The following MYO15B variants were observed in gnomAD, a reference collection of about 807,000 sequenced individuals.
MYO15B encodes myosin XVB pseudogene.
A neutral mutation model predicts 119.3 loss-of-function variants in MYO15B; 207 were observed. That is an observed-to-expected ratio of 1.73 (90% CI 1.55 to 1.95). The LOEUF is 1.95. Among genes scored for constraint, MYO15B ranks in the 30% most tolerant of loss-of-function variants. MYO15B has a pLI of 0.00. For missense variants in MYO15B, 2,264 were observed against 1,203.1 expected, an observed-to-expected ratio of 1.88 and a Z score of -13.04; for synonymous variants, 966 against 498.9, an observed-to-expected ratio of 1.94 and a Z score of -12.48.
At position 75,617,699 on chromosome 17, in the gene MYO15B, A is replaced by C. The variant is rs762566908; in HGVS notation, c.6815-111A>C. 1.3e-5 allele frequency: 8 copies of C among 603,498 alleles called. No homozygotes were observed. The South Asian group carries it at 1.5e-4, about 12-fold the overall frequency. 37.4% of individuals were successfully genotyped at this position (603,498 alleles called of 1,614,324 possible). A position where few individuals can be genotyped will look rare whatever the true frequency, so the allele number is the denominator to read the frequency against. ...AGGAGTAAGGCAGCTGGAGGTTGGG[A>C]GAGCCGGGCCCTTGGAAGGCTCGTG... On this transcript the variant is annotated intron_variant, in intron 41 of 63. Coordinates refer to ENST00000645453, the Ensembl canonical transcript of MYO15B.
chr17:75,594,394 A>G, intron 9 of MYO15B, 81 bp from the exon 10 acceptor site: 1 of 562,712 alleles, frequency 1.8e-6, no homozygotes, highest in Non-Finnish European at 3.1e-6. Context: ...GCCACTTACC[A>G]GGCAAAGCCC....
At position 75,619,247 on chromosome 17, in the gene MYO15B, A is replaced by G. The variant is rs543052088; in HGVS notation, c.7063+29A>G. Reference sequence around the variant, plus strand: ...TGGGTCCAGGGACCATGGAGTTGGGAGCTTGAGTGCTGGGGGCCGCGCCTG... The same window carrying G: ...TGGGTCCAGGGACCATGGAGTTGGGGGCTTGAGTGCTGGGGGCCGCGCCTG... On this transcript the variant is annotated intron_variant, in intron 44 of 63. Coordinates refer to ENST00000645453, the Ensembl canonical transcript of MYO15B. 33 of 702,580 alleles carry G rather than the reference A, an allele frequency of 4.7e-5. No homozygotes were observed. In the East Asian group the frequency reaches 7.2e-4, roughly 15 times the overall value. 43.5% of individuals were successfully genotyped at this position (702,580 alleles called of 1,614,324 possible).
Position 75,605,935 on chromosome 17 carries a change from C to G in MYO15B, c.4206C>G (p.Val1402=), listed in dbSNP as rs188006777. 1.6e-5 allele frequency: 11 copies of G among 702,566 alleles called. No individual in the cohort carries two copies. The Admixed American group carries it at 2.0e-4, about 13-fold the overall frequency. 43.5% of individuals were successfully genotyped at this position (702,566 alleles called of 1,614,324 possible). ...ACCAGCAGCGCTCCCAGGCCCTGGT[C>G]GACCTGCACCGCAGCTTCCACACCT... The change falls in exon 21 of 64, where the codon GTC becomes GTG. Residue 1402 remains valine (V), a synonymous_variant. Coordinates refer to ENST00000645453, the Ensembl canonical transcript of MYO15B.
intron 47 of MYO15B, 93 bp downstream of exon 47, chr17:75,620,113 G>C: frequency 1.5e-6 from 1 of 660,916 alleles, no homozygotes; most frequent in South Asian, 1.6e-5. Context: ...CAGGGGCTGG[G>C]AGTTTGGGCC....
chr17:75,594,103 AAG>A (rs1491024917), intron 9 of MYO15B, among the ~76,000 whole-genome samples: 12 of 80,810 alleles, frequency 1.5e-4, no homozygotes, highest in East Asian at 1.4e-3. Flanking sequence ...AAAAAAAAAA[AAG>A]AAAAAAAAAA....
chr17:75,612,091 T>A, intron 25 of MYO15B, 75 bp downstream of exon 25: 2 of 675,542 alleles, frequency 3.0e-6, no homozygotes, highest in Admixed American at 4.2e-5. Flanking sequence ...GATGCTGCGT[T>A]TTTTTCCCCG....
At chr17:75,607,693 T>G (rs535796653) in intron 21 of MYO15B, among the ~76,000 whole-genome samples, 3 of 152,156 alleles carry the variant, frequency 2.0e-5, no homozygotes, top group Admixed American at 2.0e-4. Context: ...TCCTGTCTTC[T>G]GAGTCGATCC....
At chr17:75,614,121 GC>G in intron 29 of MYO15B, 77 bp from the exon 30 acceptor site, 1 of 668,734 alleles carries the variant, frequency 1.5e-6, no homozygotes, top group Non-Finnish European at 2.7e-6. Context: ...TCAGCCCCCT[GC>G]CCCCTTGGCC....
chr17:75,598,535 A>G (rs961892980), intron 14 of MYO15B, among the ~76,000 whole-genome samples: 3 of 127,438 alleles, frequency 2.4e-5, no homozygotes, highest in Non-Finnish European at 3.3e-5. Flanking sequence ...CTCAAAAAAA[A>G]AAAAAAAAAA....
exon 27 of MYO15B, chr17:75,613,002 T>G (rs1211693460): frequency 1.4e-6 from 1 of 694,136 alleles, no homozygotes; most frequent in Admixed American, 2.0e-5. Context: ...GACGGATCCC[T>G]GGAGTCCTGG....
intron 58 of MYO15B, 51 bp from the exon 59 acceptor site, chr17:75,624,720 G>T: frequency 1.4e-6 from 1 of 702,610 alleles, no homozygotes; most frequent in Non-Finnish European, 2.6e-6. Flanking sequence ...TGGGGTGGCA[G>T]GGCCGGGTGT....
chr17:75,597,985 C>T lies in MYO15B; in HGVS notation c.3525+1086C>T, dbSNP rs993793906. Among the ~76,000 whole-genome samples the T allele has an allele frequency of 6.6e-5, 10 of 152,048 alleles. No individual in the cohort carries two copies. In the East Asian group the frequency reaches 9.7e-4, roughly 15 times the overall value. On this transcript the variant is annotated intron_variant, in intron 14 of 63. Transcript: ENST00000645453. ...ATACAAAATCACCCCTGTGCGGCTC[C>T]GTGGGTGGGCGTGTGGGGCAGGGAG...
At position 75,611,077 on chromosome 17, in the gene MYO15B, C is replaced by T. The variant is rs1278844190; in HGVS notation, c.4446+118C>T. ...TCTTGTCCCTCAGGGCCATGCATTG[C>T]ACCTCCTGAGAAGAGGACCGGGGTG... On this transcript the variant is annotated intron_variant, in intron 23 of 63. Coordinates refer to ENST00000645453, the Ensembl canonical transcript of MYO15B. 7.3e-6 allele frequency: 5 copies of T among 683,288 alleles called. No homozygotes were observed. In the Admixed American group the frequency reaches 1.0e-4, roughly 14 times the overall value. The allele number at this position is 683,288 out of a possible 1,614,324, so 42.3% of individuals were successfully genotyped here. A position where few individuals can be genotyped will look rare whatever the true frequency, so the allele number is the denominator to read the frequency against.
At position 75,612,969 on chromosome 17, in the gene MYO15B, G is replaced by A. The variant is rs1401241776; in HGVS notation, c.4732-5G>A. On this transcript the variant is annotated splice_region_variant and splice_polypyrimidine_tract_variant and intron_variant, in intron 26 of 63. Transcript: ENST00000645453. ...CGTCCTGTCCTTACCCGGCTGTGTC[G>A]GCAGATGCTGCGGCTCCTGGGGGAC... 9 of 688,210 alleles carry A rather than the reference G, an allele frequency of 1.3e-5. No homozygotes were observed. Among genetic ancestry groups the A allele is most frequent in the Admixed American group, 2.0e-5 (1 of 49,450 alleles). 42.6% of individuals were successfully genotyped at this position (688,210 alleles called of 1,614,324 possible).
intron 21 of MYO15B, 114 bp downstream of exon 21, chr17:75,606,135 C>A: frequency 1.7e-6 from 1 of 587,898 alleles, no homozygotes; most frequent in African/African-American, 1.9e-5. Flanking sequence ...GTCATCCTGC[C>A]CCAGTGCCAT....
intron 1 of MYO15B, 81 bp downstream of exon 1, chr17:75,590,324 G>C: frequency 2.5e-6 from 1 of 398,838 alleles, no homozygotes; most frequent in Non-Finnish European, 4.4e-6. Flanking sequence ...TATGAATTGC[G>C]TGTAGACCCT....
At chr17:75,619,587 G>A in intron 45 of MYO15B, 94 bp from the exon 46 acceptor site, 1 of 687,158 alleles carries the variant, frequency 1.5e-6, no homozygotes, top group Non-Finnish European at 2.7e-6. Flanking sequence ...CCAGGGGAAG[G>A]ACAAAGCCCA....
chr17:75,623,751 TC>T (rs562001750), intron 53 of MYO15B, 29 bp from the exon 54 acceptor site: 2 of 702,752 alleles, frequency 2.8e-6, no homozygotes, highest in Non-Finnish European at 5.2e-6. Flanking sequence ...CTGCCATCCC[TC>T]ACCCCACCTG....
At chr17:75,616,127 G>T in exon 37 of MYO15B, 1 of 562,464 alleles carries the variant, frequency 1.8e-6, no homozygotes, top group Non-Finnish European at 3.1e-6. Flanking sequence ...CAGCAGAAAC[G>T]GAACTATTTC....
Sources: gnomAD v4.1 joint callset for allele counts (sites outside exome capture counted in the v4.1 genomes callset) on GRCh38, gnomAD v4.1.1 for gene constraint, MANE v1.5 for transcripts, NCBI Gene and HGNC (gene_info 2026-07-23, HGNC 2026-07-21) for gene names.